The following WDR33 variants were observed in gnomAD, a reference collection of about 807,000 sequenced individuals.
The protein encoded by WDR33 is pre-mRNA 3' end processing protein WDR33.
WDR33 carries 47 observed loss-of-function variants against 164.9 expected under a neutral mutation model. The observed-to-expected ratio is 0.29, with a 90% CI of 0.23 to 0.36. The LOEUF (loss-of-function observed/expected upper bound fraction) is 0.36, where lower values mean the gene tolerates loss of function less well. WDR33 is among the 10% of genes least tolerant of loss of function. The pLI, the probability that WDR33 is intolerant of heterozygous loss-of-function variation, is 1.00. For synonymous variants in WDR33, 505 were observed against 589.0 expected (o/e 0.86, Z 2.06); for missense variants, 1,137 against 1,754.1 (o/e 0.65, Z 6.28).
At chr2:127,760,612 G>A (rs1687647478) in intron 7 of WDR33, among the ~76,000 whole-genome samples, 1 of 152,168 alleles carries the variant, frequency 6.6e-6, no homozygotes, top group African/African-American at 2.4e-5. Context: ...AGTGAGAAAT[G>A]ACAGAAAACA....
intron 1 of WDR33, among the ~76,000 whole-genome samples, chr2:127,772,253 A>G (rs193264537): frequency 0.066 from 10,029 of 152,264 alleles, 442 homozygotes; most frequent in Middle Eastern, 0.16. Flanking sequence ...CCTGGCCAAC[A>G]TGGTGAAACC....
At chr2:127,783,265 C>T (rs1573453992) in intron 1 of WDR33, among the ~76,000 whole-genome samples, 1 of 152,118 alleles carries the variant, frequency 6.6e-6, no homozygotes, top group East Asian at 1.9e-4. Flanking sequence ...GTTTTCTGTG[C>T]CATTTCAAAA....
At position 127,764,477 on chromosome 2, in the gene WDR33, A is replaced by T; in HGVS notation, c.626+351T>A. The T allele has an allele frequency of 1.4e-6, 2 of 1,475,024 alleles. No individual in the cohort carries two copies. Among genetic ancestry groups the T allele is most frequent in the Non-Finnish European group, 1.8e-6 (2 of 1,116,240 alleles). The allele number at this position is 1,475,024 out of a possible 1,614,324, so 91.4% of individuals were successfully genotyped here. On this transcript the variant is annotated intron_variant, in intron 6 of 21. Coordinates refer to ENST00000322313, the MANE Select transcript of WDR33 (RefSeq NM_018383.5). This position sits in a 1 kb window ranked among gnomAD's most constrained non-coding sequence, Gnocchi z 6.2. ...AGATTTTATTCAGTTGCATAATTAA[A>T]GACTGAATTCTTTATTTGGAATGAA...
rs774639936 is a variant in WDR33, at chr2:127,713,595, C to A, written c.3296G>T (p.Arg1099Leu). Residue 1099 changes from arginine (R) to leucine (L), a missense_variant, in exon 18 of 22, where the codon CGC (arginine) becomes CTC (leucine). By Grantham distance (102) the Arg-to-Leu change is moderately radical. Coordinates refer to ENST00000322313, the MANE Select transcript of WDR33 (RefSeq NM_018383.5). The surrounding 1 kb of genome is among the most constrained non-coding windows in gnomAD (Gnocchi z 6.2). ...GTATCTGTCCCACCTTTCTTCTCTG[C>A]GCCCTCGAAAACGTGGGTCCTCGGG... ...RDPEDPRFRG[R>L]REESFRRGAP... 5.6e-6 allele frequency: 9 copies of A among 1,614,208 alleles called. No homozygotes were observed. In the East Asian group the frequency reaches 6.7e-5, roughly 12 times the overall value.
At chr2:127,778,163 C>T (rs1688249487) in intron 1 of WDR33, among the ~76,000 whole-genome samples, 1 of 152,084 alleles carries the variant, frequency 6.6e-6, no homozygotes, top group Non-Finnish European at 1.5e-5. Flanking sequence ...TGGCTGGGTG[C>T]AGTGGCTCAC....
intron 1 of WDR33, among the ~76,000 whole-genome samples, chr2:127,785,743 G>A (rs924829037): frequency 1.3e-5 from 2 of 152,116 alleles, no homozygotes; most frequent in African/African-American, 2.4e-5. Context: ...CATCTGGGTT[G>A]CCTCCAAGTT....
intron 1 of WDR33, among the ~76,000 whole-genome samples, chr2:127,786,728 C>T (rs181352461): frequency 3.7e-4 from 56 of 152,042 alleles, no homozygotes; most frequent in African/African-American, 1.3e-3. Flanking sequence ...TCCATATATC[C>T]TATAACCTTG....
intron 7 of WDR33, among the ~76,000 whole-genome samples, chr2:127,732,138 CACACACACACACA>C: frequency 1.4e-5 from 2 of 146,206 alleles, no homozygotes; most frequent in African/African-American, 2.6e-5. Context: ...CACACACACA[CACACACACACACA>C]CACACAGACG....
chr2:127,766,651 T>A (rs1419210596), intron 4 of WDR33, among the ~76,000 whole-genome samples: 1 of 152,100 alleles, frequency 6.6e-6, no homozygotes, highest in Admixed American at 6.6e-5. Flanking sequence ...TTCAAAAAGG[T>A]TTTCCATGCT....
chr2:127,798,865 T>TAATA (rs1410020619), intron 1 of WDR33: 1 of 151,966 alleles, frequency 6.6e-6, no homozygotes, highest in Non-Finnish European at 1.5e-5. Context: ...CTGCTTTTAT[T>TAATA]AGACCAAAAC....
intron 1 of WDR33, among the ~76,000 whole-genome samples, chr2:127,803,461 G>A (rs1001813976): frequency 3.3e-5 from 5 of 151,956 alleles, no homozygotes; most frequent in Admixed American, 1.3e-4. Context: ...CTAGCTGCTC[G>A]GGAGGCTGAG....
At chr2:127,725,308 CAA>C in intron 8 of WDR33, 93 bp from the exon 9 acceptor site, 1 of 1,311,544 alleles carries the variant, frequency 7.6e-7, no homozygotes, top group Non-Finnish European at 1.0e-6. Flanking sequence ...ATCAAGATGG[CAA>C]GAGGTTTGGC....
chr2:127,728,487 C>G (rs917109463), intron 7 of WDR33, among the ~76,000 whole-genome samples: 3 of 152,022 alleles, frequency 2.0e-5, no homozygotes, highest in African/African-American at 7.2e-5. Flanking sequence ...CATGTTTATT[C>G]TATATTTTTA....
At chr2:127,730,623 AAT>A (rs1686677357) in intron 7 of WDR33, among the ~76,000 whole-genome samples, 1 of 152,008 alleles carries the variant, frequency 6.6e-6, no homozygotes, top group Admixed American at 6.5e-5. Flanking sequence ...CTCATGAAAT[AAT>A]GTGAACTAAA....
intron 5 of WDR33, 87 bp downstream of exon 5, chr2:127,765,087 T>C: frequency 6.4e-7 from 1 of 1,556,524 alleles, no homozygotes; most frequent in South Asian, 1.1e-5. Flanking sequence ...GTCCCAATTC[T>C]AAGTTTAACA....
rs1229961190 is a variant in WDR33, at chr2:127,701,984, G to A, written c.*4339C>T. ...GGCCCGCGCTGCTCTACATGGCAGCGCTGGGCGCCACGCTGTTCGCCGCGC... is the reference window on the plus strand; with the variant it reads ...GGCCCGCGCTGCTCTACATGGCAGCACTGGGCGCCACGCTGTTCGCCGCGC... On this transcript the variant is annotated 3_prime_UTR_variant, in exon 22 of 22. Coordinates refer to ENST00000322313, the MANE Select transcript of WDR33 (RefSeq NM_018383.5). 4 of 1,357,778 alleles carry A rather than the reference G, an allele frequency of 2.9e-6. No homozygotes were observed. Among genetic ancestry groups the A allele is most frequent in the Non-Finnish European group, 3.8e-6 (4 of 1,059,238 alleles). The allele number at this position is 1,357,778 out of a possible 1,614,324, so 84.1% of individuals were successfully genotyped here.
At chr2:127,711,939 AT>A (rs1686191450) in intron 18 of WDR33, among the ~76,000 whole-genome samples, 1 of 150,212 alleles carries the variant, frequency 6.7e-6, no homozygotes, top group Non-Finnish European at 1.5e-5. Context: ...TGCCCGGCTA[AT>A]TTTTTGTATC....
In WDR33 at chr2:127,717,590, T is replaced by C. The variant is rs1686331867; in HGVS notation, c.2761-327A>G. Among the ~76,000 whole-genome samples the C allele has an allele frequency of 6.6e-6, 1 of 152,238 alleles. No homozygotes were observed. The highest frequency in any genetic ancestry group is 1.5e-5 in the Non-Finnish European group (1 of 68,048). ...AATTAAAACAACTGGTTTAAGTAAC[T>C]GGTCTGGTTAAAGTGAAGCAACTTA... On this transcript the variant is annotated intron_variant, in intron 16 of 21. Coordinates refer to ENST00000322313, the MANE Select transcript of WDR33 (RefSeq NM_018383.5). The surrounding 1 kb of genome is among the most constrained non-coding windows in gnomAD (Gnocchi z 5.6).
Position 127,723,404 on chromosome 2 carries a change from A to G in WDR33, c.1197-57T>C. On this transcript the variant is annotated intron_variant, in intron 11 of 21. Transcript: ENST00000322313. This position sits in a 1 kb window ranked among gnomAD's most constrained non-coding sequence, Gnocchi z 5.9. ...TGGCTTCACTATTTTTTTGGGCACT[A>G]AACAGTACTAGGCAGACCCTTGGTA... The G allele has an allele frequency of 7.2e-7, 1 of 1,391,430 alleles. No individual in the cohort carries two copies. Among genetic ancestry groups the G allele is most frequent in the East Asian group, 2.3e-5 (1 of 43,772 alleles). The allele number at this position is 1,391,430 out of a possible 1,614,324, so 86.2% of individuals were successfully genotyped here. A position where few individuals can be genotyped will look rare whatever the true frequency, so the allele number is the denominator to read the frequency against.
Sources: gnomAD v4.1 joint callset for allele counts (sites outside exome capture counted in the v4.1 genomes callset) on GRCh38, gnomAD v4.1.1 for gene constraint, Gnocchi (gnomAD v3.1) non-coding constraint, MANE v1.5 for transcripts, NCBI Gene and HGNC (gene_info 2026-07-23, HGNC 2026-07-21) for gene names.